ARID3A: variants seen among roughly 807,000 people sequenced by gnomAD.
ARID3A encodes AT-rich interaction domain 3A, also known as AT-rich interactive domain-containing protein 3A.
A neutral mutation model predicts 52.7 loss-of-function variants in ARID3A; 11 were observed. That is an observed-to-expected ratio of 0.21 (90% confidence interval 0.13 to 0.35). ARID3A has a LOEUF of 0.35. ARID3A is among the 10% of genes least tolerant of loss of function. The pLI is 1.00. For missense variants in ARID3A, 721 were observed against 838.5 expected, an observed-to-expected ratio of 0.86 and a Z score of 1.73; for synonymous variants, 404 against 359.4, an observed-to-expected ratio of 1.12 and a Z score of -1.40.
At chr19:969,599 T>C (rs917785629) in intron 8 of ARID3A, among the ~76,000 whole-genome samples, 2 of 151,564 alleles carry the variant, frequency 1.3e-5, no homozygotes, top group Admixed American at 6.6e-5. Flanking sequence ...TATACATAGA[T>C]ATATATAGAT....
In ARID3A at chr19:973,649, C is replaced by G. The variant is rs1360377345; in HGVS notation, c.*1584C>G. The G allele has an allele frequency of 4.4e-6, 1 of 226,060 alleles. No homozygotes were observed. The highest frequency in any genetic ancestry group is 8.8e-6 in the Non-Finnish European group (1 of 113,640). The allele number at this position is 226,060 out of a possible 1,614,324, so 14.0% of individuals were successfully genotyped here. ...GGGCCCCGGCATCCTGAACACCCCCCACACCCCAACATTCTCCTCGCTCTG... is the reference window on the plus strand; with the variant it reads ...GGGCCCCGGCATCCTGAACACCCCCGACACCCCAACATTCTCCTCGCTCTG... On this transcript the variant is annotated 3_prime_UTR_variant, in exon 9 of 9. Transcript: ENST00000263620.
In ARID3A at chr19:974,819, A is replaced by G. The variant is rs1447221910; in HGVS notation, c.*2754A>G. On this transcript the variant is annotated 3_prime_UTR_variant, in exon 9 of 9. Coordinates refer to ENST00000263620, the MANE Select transcript of ARID3A (RefSeq NM_005224.3). The stretch of plus-strand genomic sequence containing the variant: ...GGTGGGTGGACCTGGATTCTAACTC[A>G]GAGGACTTGAGCCTGCTGTTAACTC... The G allele has an allele frequency of 7.3e-6, 1 of 136,764 alleles. No individual in the cohort carries two copies. Among genetic ancestry groups the G allele is most frequent in the Non-Finnish European group, 1.4e-5 (1 of 69,038 alleles). 8.5% of individuals were successfully genotyped at this position (136,764 alleles called of 1,614,324 possible).
intron 3 of ARID3A, among the ~76,000 whole-genome samples, chr19:946,707 C>T (rs1283537327): frequency 6.6e-6 from 1 of 152,166 alleles, no homozygotes; most frequent in Non-Finnish European, 1.5e-5. Context: ...TCCCAAAGTG[C>T]TGGGATTACA....
chr19:939,560 A>G (rs1167913948), intron 3 of ARID3A, among the ~76,000 whole-genome samples: 1 of 152,010 alleles, frequency 6.6e-6, no homozygotes, highest in Non-Finnish European at 1.5e-5. Flanking sequence ...TTCTCTGCCC[A>G]CTCACACCCA....
At chr19:966,915 A>C (rs2038170104) in intron 7 of ARID3A, 47 bp downstream of exon 7, 1 of 1,551,824 alleles carries the variant, frequency 6.4e-7, no homozygotes, top group African/African-American at 1.4e-5. Context: ...CGTGTGTCAC[A>C]CAGTGAGGGC....
intron 2 of ARID3A, among the ~76,000 whole-genome samples, chr19:931,619 T>C (rs1285482212): frequency 1.3e-5 from 2 of 152,086 alleles, no homozygotes; most frequent in East Asian, 1.9e-4. Context: ...GAGACCATCC[T>C]GGCTCACACG....
intron 3 of ARID3A, among the ~76,000 whole-genome samples, chr19:934,214 G>A (rs1369216126): frequency 6.6e-6 from 1 of 152,186 alleles, no homozygotes; most frequent in Non-Finnish European, 1.5e-5. Context: ...GGAGGGTCAA[G>A]GCCCCCCATT....
upstream of ARID3A, chr19:925,738 TA>T (rs1276371411): frequency 6.6e-6 from 1 of 151,744 alleles, no homozygotes; most frequent in Non-Finnish European, 1.5e-5. Context: ...GTTTATTATT[TA>T]TTATCCTTTA....
At chr19:963,950 G>A (rs544070579) in intron 4 of ARID3A, among the ~76,000 whole-genome samples, 62 of 152,338 alleles carry the variant, frequency 4.1e-4, no homozygotes, top group African/African-American at 1.4e-3. Context: ...AGATCCGGGC[G>A]TCTCCCGCAC....
At chr19:926,851 C>T (rs1466921643) in intron 1 of ARID3A, among the ~76,000 whole-genome samples, 2 of 152,106 alleles carry the variant, frequency 1.3e-5, no homozygotes, top group East Asian at 1.9e-4. Context: ...GTTCAATTAT[C>T]TTCCGTTTTT....
intron 3 of ARID3A, among the ~76,000 whole-genome samples, chr19:955,922 G>C (rs148212124): frequency 6.6e-6 from 1 of 152,098 alleles, no homozygotes; most frequent in Non-Finnish European, 1.5e-5. Context: ...AAATCGAGGC[G>C]TCCGCAGGGC....
Position 932,466 on chromosome 19 carries a change from T to TGAGGAG in ARID3A, c.432_437dup (p.Glu144_Glu145dup), listed in dbSNP as rs745547598. The TGAGGAG allele has an allele frequency of 2.0e-4, 321 of 1,569,828 alleles. No homozygotes were observed. Among genetic ancestry groups the TGAGGAG allele is most frequent in the Non-Finnish European group, 2.1e-4 (245 of 1,163,352 alleles). On this transcript the variant is annotated inframe_insertion, in exon 3 of 9. Coordinates refer to ENST00000263620, the MANE Select transcript of ARID3A (RefSeq NM_005224.3). Reference sequence around the variant, plus strand: ...AGATGGAGGAAGACCTCGGGGAGGATGAGGAGGAGGAGGAGGAGGATTACG... The same window carrying TGAGGAG: ...AGATGGAGGAAGACCTCGGGGAGGATGAGGAGGAGGAGGAGGAGGAGGAGGATTACG...
rs1300007152 is a variant in ARID3A, at chr19:974,374, G to A, written c.*2309G>A. ...AGCACAATCACCCCGGGAAGGGGGT[G>A]TCTGTTTGCCTCCAGACACAATCGG... On this transcript the variant is annotated 3_prime_UTR_variant, in exon 9 of 9. Transcript: ENST00000263620. 4.4e-6 allele frequency: 1 copy of A among 229,798 alleles called. No homozygotes were observed. The highest frequency in any genetic ancestry group is 2.2e-5 in the African/African-American group (1 of 45,078). The allele number at this position is 229,798 out of a possible 1,614,324, so 14.2% of individuals were successfully genotyped here. A position where few individuals can be genotyped will look rare whatever the true frequency, so the allele number is the denominator to read the frequency against.
Position 958,682 on chromosome 19 carries a change from A to G in ARID3A, c.694-1410A>G, listed in dbSNP as rs910339029. ...GCCGAGGCGGGCGGATCACGAGGTC[A>G]GGAGATCGAGACCATCCTGGCTAAC... is the stretch of plus-strand genomic sequence containing the variant. On this transcript the variant is annotated intron_variant, in intron 3 of 8. Coordinates refer to ENST00000263620, the MANE Select transcript of ARID3A (RefSeq NM_005224.3). Among the ~76,000 whole-genome samples the G allele has an allele frequency of 6.6e-5, 10 of 152,014 alleles. No homozygotes were observed. In the South Asian group the frequency reaches 1.2e-3, roughly 19 times the overall value.
chr19:933,603 C>G (rs1364312190), intron 3 of ARID3A, among the ~76,000 whole-genome samples: 1 of 152,166 alleles, frequency 6.6e-6, no homozygotes, highest in Non-Finnish European at 1.5e-5. Flanking sequence ...GGGGCAGCCC[C>G]TTCGGCCCTG....
chr19:961,228 A>T (rs887355568), intron 4 of ARID3A, among the ~76,000 whole-genome samples: 5 of 152,030 alleles, frequency 3.3e-5, no homozygotes, highest in Non-Finnish European at 7.4e-5. Flanking sequence ...GCTGTGTCCC[A>T]GCCTCCGCCC....
rs56235222 is a variant in ARID3A at position 975,114 on chromosome 19, T to C, written c.*3049T>C. 0.05 allele frequency: 11,555 copies of C among 231,312 alleles called. 1,348 individuals carry two copies. The highest frequency in any genetic ancestry group is 0.24 in the African/African-American group (10,730 of 45,212). 14.3% of individuals were successfully genotyped at this position (231,312 alleles called of 1,614,324 possible). On this transcript the variant is annotated 3_prime_UTR_variant, in exon 9 of 9. Transcript: ENST00000263620. The stretch of plus-strand genomic sequence containing the variant: ...GGGGTTTAAATTCGGTGTGGCTTTC[T>C]GGGGTGCAGCTCAGCACCCCCCCTT...
At chr19:968,553 C>A in intron 8 of ARID3A, 50 bp downstream of exon 8, 1 of 1,570,360 alleles carries the variant, frequency 6.4e-7, no homozygotes, top group South Asian at 1.1e-5. Context: ...CTCCCGCCGC[C>A]GTGAACTCAG....
chr19:928,292 T>G (rs1599377711), intron 1 of ARID3A: 3 of 151,776 alleles, frequency 2.0e-5, no homozygotes, highest in African/African-American at 7.3e-5. Flanking sequence ...ATTGGCGGCC[T>G]GGGCGGGTGG....
Sources: allele counts gnomAD v4.1 joint callset (sites outside exome capture counted in the v4.1 genomes callset), GRCh38; gene constraint gnomAD v4.1.1; transcripts MANE v1.5; gene names NCBI Gene and HGNC (gene_info 2026-07-23, HGNC 2026-07-21).